The following SLC4A5 variants were observed in gnomAD, a reference collection of about 807,000 sequenced individuals.
The protein encoded by SLC4A5 is electrogenic sodium bicarbonate cotransporter 4.
Under a neutral mutation model 120.4 loss-of-function variants are expected in SLC4A5, and 96 were observed. The observed-to-expected ratio is 0.80, with a 90% CI of 0.68 to 0.94. The LOEUF is 0.94. Ranked by LOEUF, SLC4A5 falls within the 40% of genes least tolerant of loss-of-function variation. The pLI is 0.00. For synonymous variants in SLC4A5, 550 were observed against 571.1 expected (o/e 0.96, Z 0.53); for missense variants, 1,259 against 1,459.5 (o/e 0.86, Z 2.24).
chr2:74,290,618 GAAGT>G (rs1005814692), intron 7 of SLC4A5: 10 of 948,264 alleles, frequency 1.1e-5, no homozygotes, highest in Non-Finnish European at 1.1e-5. Flanking sequence ...GAGAGACAGA[GAAGT>G]GAGAGAGAGA....
At chr2:74,273,713 T>C (rs1354121379) in intron 8 of SLC4A5, among the ~76,000 whole-genome samples, 1 of 152,250 alleles carries the variant, frequency 6.6e-6, no homozygotes, top group African/African-American at 2.4e-5. Flanking sequence ...ATCAGGATAC[T>C]GAATTTCCCA....
At chr2:74,232,184 G>A (rs1336145751) in intron 24 of SLC4A5, among the ~76,000 whole-genome samples, 1 of 152,166 alleles carries the variant, frequency 6.6e-6, no homozygotes, top group Non-Finnish European at 1.5e-5. Flanking sequence ...AGCCTTGTGG[G>A]GACCTTGGGT....
At chr2:74,260,513 GT>G (rs1224392623) in intron 11 of SLC4A5, among the ~76,000 whole-genome samples, 7 of 152,162 alleles carry the variant, frequency 4.6e-5, no homozygotes, top group African/African-American at 1.7e-4. Flanking sequence ...CCTTGGAGCA[GT>G]CCCCTCTGGC....
intron 8 of SLC4A5, among the ~76,000 whole-genome samples, chr2:74,271,810 C>T (rs1190930482): frequency 2.0e-5 from 3 of 151,886 alleles, no homozygotes; most frequent in Non-Finnish European, 4.4e-5. Flanking sequence ...TTTAAAAATA[C>T]TCAGAAGCCG....
At chr2:74,261,742 G>A (rs1265588260) in intron 11 of SLC4A5, among the ~76,000 whole-genome samples, 2 of 152,144 alleles carry the variant, frequency 1.3e-5, no homozygotes, top group Non-Finnish European at 2.9e-5. Context: ...CCAGTGATGG[G>A]AATGCTGCCT....
intron 6 of SLC4A5, chr2:74,307,425 A>G (rs1672677884): frequency 1.9e-5 from 12 of 637,312 alleles, no homozygotes; most frequent in South Asian, 1.5e-4. Context: ...CTCCAGCTAC[A>G]GCCGAGTGAC....
chr2:74,331,745 TC>T (rs1673371691), intron 4 of SLC4A5, among the ~76,000 whole-genome samples: 1 of 152,066 alleles, frequency 6.6e-6, no homozygotes, highest in Admixed American at 6.5e-5. Flanking sequence ...AGTGGGAACT[TC>T]TGTCCTTGCT....
chr2:74,247,518 C>CTT (rs754476071), intron 18 of SLC4A5, among the ~76,000 whole-genome samples: 5 of 145,246 alleles, frequency 3.4e-5, no homozygotes, highest in Admixed American at 1.4e-4. Context: ...TTTATAAGAA[C>CTT]TTTTTTTTTT....
intron 2 of SLC4A5, among the ~76,000 whole-genome samples, chr2:74,340,948 G>A (rs1201807097): frequency 3.9e-5 from 6 of 152,158 alleles, no homozygotes; most frequent in African/African-American, 1.2e-4. Flanking sequence ...AGGGTGGCTG[G>A]AACAACCTTG....
At chr2:74,272,604 C>T (rs1268395771) in intron 8 of SLC4A5, among the ~76,000 whole-genome samples, 1 of 152,144 alleles carries the variant, frequency 6.6e-6, no homozygotes, top group Non-Finnish European at 1.5e-5. Context: ...GGGTGTAGAC[C>T]CCCAACTCTG....
At chr2:74,234,272 G>A (rs1292300816) in intron 22 of SLC4A5, among the ~76,000 whole-genome samples, 6 of 151,310 alleles carry the variant, frequency 4.0e-5, no homozygotes, top group East Asian at 1.9e-4. Context: ...TCTGCCTCCC[G>A]GATTCACGCC....
At chr2:74,297,407 G>A (rs941928553) in intron 7 of SLC4A5, among the ~76,000 whole-genome samples, 1 of 152,086 alleles carries the variant, frequency 6.6e-6, no homozygotes, top group African/African-American at 2.4e-5. Flanking sequence ...CTCATCCTGG[G>A]ACAAGTCTCA....
intron 19 of SLC4A5, 129 bp from the exon 20 acceptor site, chr2:74,242,181 C>A: frequency 1.4e-6 from 1 of 721,932 alleles, no homozygotes; most frequent in East Asian, 3.8e-5. Flanking sequence ...GGGCAGCTCC[C>A]TCTCCACCTT....
At chr2:74,240,352 G>A (rs1301016476) in intron 20 of SLC4A5, among the ~76,000 whole-genome samples, 1 of 152,066 alleles carries the variant, frequency 6.6e-6, no homozygotes, top group Non-Finnish European at 1.5e-5. Flanking sequence ...TACACATTTG[G>A]CCTATATTTA....
intron 7 of SLC4A5, among the ~76,000 whole-genome samples, chr2:74,301,218 T>C (rs1672468304): frequency 2.0e-5 from 3 of 152,236 alleles, no homozygotes; most frequent in Admixed American, 2.0e-4. Context: ...ATTAATATTA[T>C]ACATTTAGTT....
At chr2:74,243,705 G>A (rs1670519711) in intron 19 of SLC4A5, among the ~76,000 whole-genome samples, 1 of 152,140 alleles carries the variant, frequency 6.6e-6, no homozygotes, top group African/African-American at 2.4e-5. Context: ...CACCTTTGAT[G>A]TCTTCTGCTT....
chr2:74,216,660 G>A (rs1694453657), exon 31 of SLC4A5: 1 of 152,166 alleles, frequency 6.6e-6, no homozygotes, highest in Non-Finnish European at 1.5e-5. Flanking sequence ...CCTGGCTGGA[G>A]TGCAGTGGCA....
intron 7 of SLC4A5, among the ~76,000 whole-genome samples, chr2:74,299,802 T>G (rs1672426038): frequency 6.6e-6 from 1 of 151,738 alleles, no homozygotes. Context: ...TTATGGAAAA[T>G]AATATGGAAG....
intron 16 of SLC4A5, chr2:74,250,885 G>T: frequency 5.2e-6 from 1 of 193,768 alleles, no homozygotes. Flanking sequence ...ACACAGGAGT[G>T]TCTAACTTTC....
Sources: gnomAD v4.1 joint callset for allele counts (sites outside exome capture counted in the v4.1 genomes callset) on GRCh38, gnomAD v4.1.1 for gene constraint, MANE v1.5 for transcripts, NCBI Gene and HGNC (gene_info 2026-07-23, HGNC 2026-07-21) for gene names.